Variants in SLC30A8 observed in about 807,000 individuals in gnomAD.
The protein encoded by SLC30A8 is solute carrier family 30 member 8.
SLC30A8 carries 27 observed loss-of-function variants against 36.9 expected under a neutral mutation model. That is an observed-to-expected ratio of 0.73 (90% CI 0.54 to 1.01). The LOEUF (loss-of-function observed/expected upper bound fraction) is 1.01, where lower values mean the gene tolerates loss of function less well. Ranked by LOEUF, SLC30A8 falls within the 50% of genes least tolerant of loss-of-function variation. The pLI, the probability that SLC30A8 is intolerant of heterozygous loss-of-function variation, is 0.00. For synonymous variants in SLC30A8, 164 were observed against 172.4 expected (o/e 0.95, Z 0.38); for missense variants, 439 against 452.0 (o/e 0.97, Z 0.26).
At chr8:116,999,301 C>T (rs1815926811) in intron 1 of SLC30A8, among the ~76,000 whole-genome samples, 1 of 150,494 alleles carries the variant, frequency 6.6e-6, no homozygotes. Flanking sequence ...ATGCCTCACA[C>T]CTCCTTTAGA....
At chr8:117,124,297 A>G (rs981611155) in intron 2 of SLC30A8, among the ~76,000 whole-genome samples, 3 of 151,928 alleles carry the variant, frequency 2.0e-5, no homozygotes, top group African/African-American at 7.2e-5. Context: ...TTAGTCAGAA[A>G]AGGCTAGTTG....
chr8:117,028,024 C>T (rs1355034016), intron 1 of SLC30A8, among the ~76,000 whole-genome samples: 9 of 152,182 alleles, frequency 5.9e-5, no homozygotes, highest in Non-Finnish European at 1.2e-4. Flanking sequence ...ATTTCCTCCT[C>T]TTTCCCAAGG....
intron 2 of SLC30A8, among the ~76,000 whole-genome samples, chr8:117,074,321 C>T (rs1338545175): frequency 6.6e-6 from 1 of 152,126 alleles, no homozygotes; most frequent in Non-Finnish European, 1.5e-5. Flanking sequence ...CAACATGGAA[C>T]AAAAGAAATC....
chr8:117,074,780 A>G (rs1208367039), intron 2 of SLC30A8, among the ~76,000 whole-genome samples: 2 of 152,166 alleles, frequency 1.3e-5, no homozygotes, highest in Non-Finnish European at 2.9e-5. Flanking sequence ...ATCTAGTAAT[A>G]CCCTTTACTC....
intron 2 of SLC30A8, among the ~76,000 whole-genome samples, chr8:117,113,037 A>T (rs1293952142): frequency 6.6e-6 from 1 of 152,174 alleles, no homozygotes; most frequent in African/African-American, 2.4e-5. Context: ...AGCAGTGAGG[A>T]TATAAAGATG....
intron 2 of SLC30A8, among the ~76,000 whole-genome samples, chr8:117,076,367 C>T (rs544599748): frequency 6.6e-6 from 1 of 152,234 alleles, no homozygotes; most frequent in African/African-American, 2.4e-5. Flanking sequence ...GCAAGACAAC[C>T]AAAGGTAATC....
chr8:117,138,596 A>G (rs1821479390), intron 1 of SLC30A8, among the ~76,000 whole-genome samples: 1 of 151,978 alleles, frequency 6.6e-6, no homozygotes, highest in South Asian at 2.1e-4. Context: ...TTCATTGTAG[A>G]CAGGACCAAG....
chr8:117,087,913 G>A (rs188665474), intron 2 of SLC30A8, among the ~76,000 whole-genome samples: 2 of 152,210 alleles, frequency 1.3e-5, no homozygotes, highest in African/African-American at 4.8e-5. Flanking sequence ...TACCCTGAAG[G>A]GGAGATGGGG....
At chr8:117,094,612 G>C (rs547498006) in intron 2 of SLC30A8, among the ~76,000 whole-genome samples, 75 of 152,048 alleles carry the variant, frequency 4.9e-4, no homozygotes, top group Non-Finnish European at 4.9e-4. Flanking sequence ...GTTGGTCCAT[G>C]AGTGGCCATG....
chr8:117,016,631 C>G (rs189163359), intron 1 of SLC30A8, among the ~76,000 whole-genome samples: 151 of 152,262 alleles, frequency 9.9e-4, no homozygotes, highest in African/African-American at 3.5e-3. Flanking sequence ...CTGTAGATAG[C>G]ACATATTTTA....
At chr8:117,146,753 C>A (rs1181631509) in intron 1 of SLC30A8, 5 of 1,313,710 alleles carry the variant, frequency 3.8e-6, no homozygotes, top group Non-Finnish European at 5.0e-6. Flanking sequence ...AAAAGTAAAA[C>A]TTTTAGTAGT....
At chr8:117,072,952 C>T (rs1818377245) in intron 2 of SLC30A8, among the ~76,000 whole-genome samples, 1 of 151,552 alleles carries the variant, frequency 6.6e-6, no homozygotes, top group Admixed American at 6.6e-5. Flanking sequence ...GTAAAATTTC[C>T]ATTAAATTTA....
intron 1 of SLC30A8, among the ~76,000 whole-genome samples, chr8:116,993,014 G>C (rs1815698518): frequency 6.6e-6 from 1 of 152,030 alleles, no homozygotes; most frequent in Non-Finnish European, 1.5e-5. Flanking sequence ...TGGTGGCTGA[G>C]ACTTAGTAGC....
At chr8:117,085,097 C>G (rs1818821340) in intron 2 of SLC30A8, among the ~76,000 whole-genome samples, 1 of 152,014 alleles carries the variant, frequency 6.6e-6, no homozygotes, top group Non-Finnish European at 1.5e-5. Context: ...GCTTTGGCTA[C>G]AAAATCTTCA....
chr8:117,169,278 A>G (rs1823238086), intron 6 of SLC30A8, among the ~76,000 whole-genome samples: 1 of 152,158 alleles, frequency 6.6e-6, no homozygotes, highest in African/African-American at 2.4e-5. Flanking sequence ...ATCCCCCATG[A>G]GCAAGGTTCT....
chr8:117,080,149 T>A (rs1392258898), intron 2 of SLC30A8, among the ~76,000 whole-genome samples: 1 of 152,166 alleles, frequency 6.6e-6, no homozygotes, highest in Non-Finnish European at 1.5e-5. Context: ...TACAATTTTT[T>A]AAAAATCTTT....
chr8:117,140,492 A>G (rs1346917215), intron 1 of SLC30A8, among the ~76,000 whole-genome samples: 2 of 151,950 alleles, frequency 1.3e-5, no homozygotes, highest in African/African-American at 2.4e-5. Context: ...AAACCTTGAA[A>G]GCAGCAAGAG....
intron 1 of SLC30A8, among the ~76,000 whole-genome samples, chr8:117,139,475 T>G: frequency 6.6e-6 from 1 of 152,128 alleles, no homozygotes; most frequent in East Asian, 1.9e-4. Flanking sequence ...GATTATGGAC[T>G]TCCATCCTCT....
chr8:117,155,284 C>T (rs1307385261), intron 3 of SLC30A8, among the ~76,000 whole-genome samples: 1 of 152,164 alleles, frequency 6.6e-6, no homozygotes, highest in African/African-American at 2.4e-5. Flanking sequence ...GCTCTTTTCC[C>T]ACTGTGCTTC....
Sources: allele counts gnomAD v4.1 joint callset (sites outside exome capture counted in the v4.1 genomes callset), GRCh38; gene constraint gnomAD v4.1.1; transcripts MANE v1.5; gene names NCBI Gene and HGNC (gene_info 2026-07-23, HGNC 2026-07-21).